AGK: variants seen among roughly 807,000 people sequenced by gnomAD.
The protein encoded by AGK is acylglycerol kinase, also known as acylglycerol kinase, mitochondrial.
Under a neutral mutation model 66.4 loss-of-function variants are expected in AGK, and 52 were observed. The ratio of observed to expected loss-of-function variants is 0.78; its 90% CI spans 0.63 to 0.99. The LOEUF is 0.99. Ranked by LOEUF, AGK falls within the 50% of genes least tolerant of loss-of-function variation. The pLI is 0.00. For missense variants in AGK, 451 were observed against 506.6 expected (o/e 0.89, Z 1.05); for synonymous variants, 182 against 181.1 (o/e 1.00, Z -0.04).
intron 5 of AGK, among the ~76,000 whole-genome samples, chr7:141,610,246 C>A (rs1014144697): frequency 3.3e-5 from 5 of 152,070 alleles, no homozygotes; most frequent in Admixed American, 6.5e-5. Flanking sequence ...GGATTACAGG[C>A]GTGAGCCACC....
rs557685435 is a variant in AGK at position 141,620,116 on chromosome 7, T to G, written c.519-1616T>G. Among the ~76,000 whole-genome samples, 9 of 152,294 alleles carry G rather than the reference T, an allele frequency of 5.9e-5. No homozygotes were observed. The East Asian group carries it at 1.7e-3, about 29-fold the overall frequency. ...ACTTTTCGATTCTATTTTATGACATTCTGGGAAAGGCAAAACTCTAGACGC... is the reference window on the plus strand; with the variant it reads ...ACTTTTCGATTCTATTTTATGACATGCTGGGAAAGGCAAAACTCTAGACGC... On this transcript the variant is annotated intron_variant, in intron 8 of 15. Transcript: ENST00000649286.
At chr7:141,615,178 G>C (rs2116962738) in intron 7 of AGK, among the ~76,000 whole-genome samples, 1 of 152,300 alleles carries the variant, frequency 6.6e-6, no homozygotes, top group South Asian at 2.1e-4. Flanking sequence ...CTAGTGCATT[G>C]ATATATTATC....
intron 2 of AGK, among the ~76,000 whole-genome samples, chr7:141,581,823 G>C (rs1334653606): frequency 6.6e-6 from 1 of 151,786 alleles, no homozygotes; most frequent in East Asian, 1.9e-4. Context: ...GGGCAGGTGG[G>C]GATAACTAAA....
chr7:141,595,925 T>A (rs919195199), intron 3 of AGK, among the ~76,000 whole-genome samples: 2 of 152,222 alleles, frequency 1.3e-5, no homozygotes, highest in Admixed American at 6.5e-5. Context: ...ATTCTGGACT[T>A]TCTAATCTGG....
chr7:141,624,243 A>G (rs1290503805), intron 9 of AGK, among the ~76,000 whole-genome samples: 1 of 152,176 alleles, frequency 6.6e-6, no homozygotes, highest in Non-Finnish European at 1.5e-5. Context: ...TTATTTAATA[A>G]ATAAATTGTG....
Position 141,641,363 on chromosome 7 carries a change from G to A in AGK, c.842G>A (p.Arg281Gln). The change falls in exon 12 of 16, where the codon CGA becomes CAA. Residue 281 changes from arginine (R) to glutamine (Q), a missense_variant. Arg to Gln is a conservative substitution (Grantham distance 43). Transcript: ENST00000649286. Reference protein sequence around the residue: ...QRPSLYRRILRRLASYWAQPQ... With the variant: ...QRPSLYRRILQRLASYWAQPQ... ...CCTTCTTTGTACAGGAGAATATTAC[G>A]AAGGCTTGCGTCCTACTGGGCACAA... The A allele has an allele frequency of 1.9e-6, 3 of 1,613,382 alleles. No homozygotes were observed. The highest frequency in any genetic ancestry group is 1.7e-6 in the Non-Finnish European group (2 of 1,179,788).
At chr7:141,564,081 C>T (rs563642361) in intron 2 of AGK, among the ~76,000 whole-genome samples, 4 of 152,262 alleles carry the variant, frequency 2.6e-5, no homozygotes, top group Middle Eastern at 3.4e-3. Context: ...CCACTTCAGC[C>T]GCCTGAGAAG....
intron 2 of AGK, among the ~76,000 whole-genome samples, chr7:141,580,020 T>G (rs1795847318): frequency 6.6e-6 from 1 of 151,974 alleles, no homozygotes; most frequent in Non-Finnish European, 1.5e-5. Flanking sequence ...TTGACAGCCC[T>G]TGCAGTGAAT....
chr7:141,597,890 C>CAAAAAAAAAAAAAAAAAAAAAAA (rs56295907), intron 4 of AGK, among the ~76,000 whole-genome samples: 2 of 71,434 alleles, frequency 2.8e-5, no homozygotes, highest in African/African-American at 7.7e-5. Flanking sequence ...GACTCTGTCT[C>CAAAAAAAAAAAAAAAAAAAAAAA]AAAAAAAAAA....
intron 2 of AGK, among the ~76,000 whole-genome samples, chr7:141,582,294 C>T (rs948944223): frequency 4.7e-4 from 72 of 151,986 alleles, no homozygotes; most frequent in African/African-American, 8.0e-4. Context: ...CTGGCCGCTG[C>T]GGTTTAGGTG....
chr7:141,569,459 G>A (rs978159771), intron 2 of AGK, among the ~76,000 whole-genome samples: 9 of 152,110 alleles, frequency 5.9e-5, no homozygotes, highest in African/African-American at 1.2e-4. Context: ...GTTTGAACCC[G>A]GGAGGTGGAG....
intron 13 of AGK, among the ~76,000 whole-genome samples, chr7:141,644,474 A>G (rs1046359870): frequency 6.6e-6 from 1 of 152,206 alleles, no homozygotes; most frequent in African/African-American, 2.4e-5. Context: ...TAATAGCTCA[A>G]AATGTTCACT....
intron 2 of AGK, among the ~76,000 whole-genome samples, chr7:141,580,069 G>C (rs1795848189): frequency 1.3e-5 from 2 of 151,994 alleles, no homozygotes; most frequent in African/African-American, 4.8e-5. Flanking sequence ...GACTTGAGAA[G>C]AGTTTTTATT....
rs886041491 is a variant in AGK at position 141,651,523 on chromosome 7, A to T, written c.1047-2A>T. 1.2e-6 allele frequency: 2 copies of T among 1,614,216 alleles called. No individual in the cohort carries two copies. The highest frequency in any genetic ancestry group is 3.3e-5 in the Admixed American group (2 of 60,032). On this transcript the variant is annotated splice_acceptor_variant, in intron 14 of 15. Transcript: ENST00000649286. LOFTEE classifies it high-confidence loss of function. Reference sequence around the variant, plus strand: ...TAAGCTTGCTTTTTCCTGTGCTCACAGAAGTCGAAAGGTGAGAAACCCCAA... The same window carrying T: ...TAAGCTTGCTTTTTCCTGTGCTCACTGAAGTCGAAAGGTGAGAAACCCCAA...
intron 9 of AGK, among the ~76,000 whole-genome samples, chr7:141,626,376 A>G (rs935857596): frequency 6.6e-6 from 1 of 152,232 alleles, no homozygotes; most frequent in Non-Finnish European, 1.5e-5. Context: ...TAATTGATTC[A>G]GGTAGAGATC....
chr7:141,620,364 T>C (rs768762865), intron 8 of AGK, among the ~76,000 whole-genome samples: 8 of 152,198 alleles, frequency 5.3e-5, no homozygotes, highest in Non-Finnish European at 1.0e-4. Context: ...AAAAAGAAGT[T>C]ACACTTCCAG....
At chr7:141,566,341 G>T (rs1795467452) in intron 2 of AGK, among the ~76,000 whole-genome samples, 1 of 152,130 alleles carries the variant, frequency 6.6e-6, no homozygotes, top group South Asian at 2.1e-4. Context: ...GTCTTGCTCA[G>T]TGTTGTCCTG....
At chr7:141,576,632 C>T (rs193072616) in intron 2 of AGK, among the ~76,000 whole-genome samples, 34 of 148,852 alleles carry the variant, frequency 2.3e-4, no homozygotes, top group Middle Eastern at 3.4e-3. Context: ...GACAAGGGGG[C>T]GAAGAGTACC....
At chr7:141,582,269 G>T (rs1298693868) in intron 2 of AGK, among the ~76,000 whole-genome samples, 1 of 151,978 alleles carries the variant, frequency 6.6e-6, no homozygotes, top group East Asian at 1.9e-4. Context: ...GGGGGAGGTG[G>T]TCCTGGAGGA....
Sources: allele counts gnomAD v4.1 joint callset (sites outside exome capture counted in the v4.1 genomes callset), GRCh38; gene constraint gnomAD v4.1.1; transcripts MANE v1.5; gene names NCBI Gene and HGNC (gene_info 2026-07-23, HGNC 2026-07-21).